SPRYD4: variants seen among roughly 807,000 people sequenced by gnomAD.
The protein encoded by SPRYD4 is SPRY domain-containing protein 4.
Under a neutral mutation model 16.6 loss-of-function variants are expected in SPRYD4, and 12 were observed. That is an observed-to-expected ratio of 0.72 (90% CI 0.46 to 1.17). SPRYD4 has a LOEUF of 1.17. Among genes scored for constraint, SPRYD4 ranks in the 50% most tolerant of loss-of-function variants. The pLI, the probability that SPRYD4 is intolerant of heterozygous loss-of-function variation, is 0.00. For synonymous variants in SPRYD4, 98 were observed against 105.4 expected, an observed-to-expected ratio of 0.93 and a Z score of 0.43; for missense variants, 260 against 260.2, an observed-to-expected ratio of 1.00 and a Z score of 0.00.
chr12:56,469,211 C>G lies in SPRYD4; in HGVS notation c.258C>G (p.Gly86=), dbSNP rs1045583599. 6.2e-7 allele frequency: 1 copy of G among 1,613,996 alleles called. No individual in the cohort carries two copies. The highest frequency in any genetic ancestry group is 1.7e-5 in the Admixed American group (1 of 59,990). Residue 86 remains glycine (G), a synonymous_variant, in exon 2 of 2, where the codon GGC becomes GGG. Transcript: ENST00000338146. The stretch of plus-strand genomic sequence containing the variant: ...TGGCAGACACAGCGGTCACCAGTGG[C>G]AGACACTACTGGGAAGTGACAGTGA... ...VVLADTAVTS[G]RHYWEVTVKR... is the part of the protein sequence containing the mutation.
Position 56,472,929 on chromosome 12 carries a change from T to C in SPRYD4, c.*3352T>C, listed in dbSNP as rs1389455232. ...TTGAGACGGAGTCTCGCTCTGTCGT[T>C]CAGGCTGAAGTGTAGTGGCGCGCGG... is the stretch of plus-strand genomic sequence containing the variant. On this transcript the variant is annotated 3_prime_UTR_variant, in exon 2 of 2. Coordinates refer to ENST00000338146, the MANE Select transcript of SPRYD4 (RefSeq NM_207344.4). 9.7e-6 allele frequency: 6 copies of C among 616,942 alleles called. No homozygotes were observed. Among genetic ancestry groups the C allele is most frequent in the African/African-American group, 5.6e-5 (3 of 53,432 alleles). 38.2% of individuals were successfully genotyped at this position (616,942 alleles called of 1,614,324 possible).
Position 56,475,659 on chromosome 12 carries a change from C to G in SPRYD4, c.*6082C>G. On this transcript the variant is annotated 3_prime_UTR_variant, in exon 2 of 2. Coordinates refer to ENST00000338146, the MANE Select transcript of SPRYD4 (RefSeq NM_207344.4). Reference sequence around the variant, plus strand: ...TGAAACCCATGTATTCATTCCCAGCCATTTTGTTGAGATACTGCAACACCT... The same window carrying G: ...TGAAACCCATGTATTCATTCCCAGCGATTTTGTTGAGATACTGCAACACCT... The G allele has an allele frequency of 6.2e-7, 1 of 1,614,180 alleles. No homozygotes were observed. The highest frequency in any genetic ancestry group is 8.5e-7 in the Non-Finnish European group (1 of 1,180,042).
rs775423724 is a variant in SPRYD4, at chr12:56,473,493, C to G, written c.*3916C>G. 6.2e-7 allele frequency: 1 copy of G among 1,613,832 alleles called. No individual in the cohort carries two copies. Among genetic ancestry groups the G allele is most frequent in the South Asian group, 1.1e-5 (1 of 91,066 alleles). On this transcript the variant is annotated 3_prime_UTR_variant, in exon 2 of 2. Transcript: ENST00000338146. ...AGAAGCTGGTCCCCCTATGGCTGTT[C>G]CCCAGCTTGTCCAATGGGGGTGACA...
rs969359286 is a variant in SPRYD4 at position 56,477,098 on chromosome 12, A to G, written c.*7521A>G. 1 of 152,218 alleles carries G rather than the reference A, an allele frequency of 6.6e-6. No individual in the cohort carries two copies. The highest frequency in any genetic ancestry group is 2.4e-5 in the African/African-American group (1 of 41,394). The allele number at this position is 152,218 out of a possible 1,614,324, so 9.4% of individuals were successfully genotyped here. On this transcript the variant is annotated 3_prime_UTR_variant, in exon 2 of 2. Transcript: ENST00000338146. ...CTGAGTCCCTGAGGGGAGGATTCCT[A>G]ACACCACCTTCCCCAGGAGGGGCTG...
At position 56,472,164 on chromosome 12, in the gene SPRYD4, T is replaced by C; in HGVS notation, c.*2587T>C. 2 of 1,614,206 alleles carry C rather than the reference T, an allele frequency of 1.2e-6. No homozygotes were observed. Among genetic ancestry groups the C allele is most frequent in the South Asian group, 2.2e-5 (2 of 91,088 alleles). ...AGAGCTGTGCGCGAGTCATAGTCTT[T>C]CTGTTCCATATCCATGGCTGACAAG... On this transcript the variant is annotated 3_prime_UTR_variant, in exon 2 of 2. Coordinates refer to ENST00000338146, the MANE Select transcript of SPRYD4 (RefSeq NM_207344.4).
rs1869644115 is a variant in SPRYD4, at chr12:56,474,755, G to A, written c.*5178G>A. ...CAAAGAATAGGTGAAGATGTGACGT[G>A]AACCTGCACATGGGACCCTCGGGTG... On this transcript the variant is annotated 3_prime_UTR_variant, in exon 2 of 2. Coordinates refer to ENST00000338146, the MANE Select transcript of SPRYD4 (RefSeq NM_207344.4). 4 of 1,610,700 alleles carry A rather than the reference G, an allele frequency of 2.5e-6. No individual in the cohort carries two copies. The highest frequency in any genetic ancestry group is 4.5e-5 in the East Asian group (2 of 44,840).
rs79174190 is a variant in SPRYD4 at position 56,476,187 on chromosome 12, TTTGTCACCC to T, written c.*6620_*6628del. 0.94 allele frequency: 472,491 copies of T among 500,112 alleles called. 226,239 individuals carry two copies. Among genetic ancestry groups the T allele is most frequent in the East Asian group, 1 (26,887 of 26,932 alleles). 31.0% of individuals were successfully genotyped at this position (500,112 alleles called of 1,614,324 possible). ...TTTCTTTTTTTTGAGACAGTCTTGC[TTTGTCACCC>T]TTGTCACCCAGGCTGGAGTGCAGTG... On this transcript the variant is annotated 3_prime_UTR_variant, in exon 2 of 2. Coordinates refer to ENST00000338146, the MANE Select transcript of SPRYD4 (RefSeq NM_207344.4).
In SPRYD4 at chr12:56,472,062, T is replaced by C; in HGVS notation, c.*2485T>C. ...GCACATATAATGAAGGTACTTTTGG[T>C]GAAAAAGAAAGGGTCTTATGATTAC... On this transcript the variant is annotated 3_prime_UTR_variant, in exon 2 of 2. Transcript: ENST00000338146. 1 of 1,573,796 alleles carries C rather than the reference T, an allele frequency of 6.4e-7. No individual in the cohort carries two copies. Among genetic ancestry groups the C allele is most frequent in the Admixed American group, 1.7e-5 (1 of 58,232 alleles).
rs1455779162 is a variant in SPRYD4 at position 56,475,178 on chromosome 12, C to T, written c.*5601C>T. ...GGTGTTGGGAGAAGGGGAAAAATTA[C>T]CTTCCCTGGAGAGACAGAACTACAT... On this transcript the variant is annotated 3_prime_UTR_variant, in exon 2 of 2. Coordinates refer to ENST00000338146, the MANE Select transcript of SPRYD4 (RefSeq NM_207344.4). 3 of 1,608,614 alleles carry T rather than the reference C, an allele frequency of 1.9e-6. No homozygotes were observed. The highest frequency in any genetic ancestry group is 1.7e-5 in the Admixed American group (1 of 59,996).
chr12:56,468,929 C>A, intron 1 of SPRYD4, 110 bp from the exon 2 acceptor site: 1 of 1,379,040 alleles, frequency 7.3e-7, no homozygotes, highest in Non-Finnish European at 9.8e-7. Context: ...GGCATTCTGA[C>A]TCTTCCCTAG....
Position 56,473,280 on chromosome 12 carries a change from A to G in SPRYD4, c.*3703A>G, listed in dbSNP as rs775509140. 1.2e-6 allele frequency: 2 copies of G among 1,614,170 alleles called. No individual in the cohort carries two copies. The highest frequency in any genetic ancestry group is 1.7e-6 in the Non-Finnish European group (2 of 1,180,040). On this transcript the variant is annotated 3_prime_UTR_variant, in exon 2 of 2. Transcript: ENST00000338146. ...GTCTAACTTCCGAGCACAGTGCCTC[A>G]GGTTGTCATAGTTGTGGAAATTGAA...
rs1368539295 is a variant in SPRYD4, at chr12:56,474,724, T to C, written c.*5147T>C. On this transcript the variant is annotated 3_prime_UTR_variant, in exon 2 of 2. Coordinates refer to ENST00000338146, the MANE Select transcript of SPRYD4 (RefSeq NM_207344.4). ...AAGTGACCTCCACAGAACACAGCTA[T>C]GAAAACAAAGAATAGGTGAAGATGT... 1 of 1,608,486 alleles carries C rather than the reference T, an allele frequency of 6.2e-7. No homozygotes were observed. Among genetic ancestry groups the C allele is most frequent in the Non-Finnish European group, 8.5e-7 (1 of 1,176,402 alleles).
Position 56,475,777 on chromosome 12 carries a change from C to T in SPRYD4, c.*6200C>T, listed in dbSNP as rs1869752307. ...TAGCCCTTCTGAACTCAGGTCTTGT[C>T]AAGAGGCTTTCCTCTCTGAGGCCAG... On this transcript the variant is annotated 3_prime_UTR_variant, in exon 2 of 2. Transcript: ENST00000338146. The T allele has an allele frequency of 1.4e-6, 2 of 1,442,772 alleles. No individual in the cohort carries two copies. The highest frequency in any genetic ancestry group is 2.3e-5 in the South Asian group (2 of 86,258). The allele number at this position is 1,442,772 out of a possible 1,614,324, so 89.4% of individuals were successfully genotyped here.
Position 56,473,348 on chromosome 12 carries a change from T to C in SPRYD4, c.*3771T>C, listed in dbSNP as rs1039721460. On this transcript the variant is annotated 3_prime_UTR_variant, in exon 2 of 2. Transcript: ENST00000338146. ...AGAATTGTAAGCCAAATATATTGTT[T>C]ATTTACTCCTTACACTTAGTAGGAG... 1 of 1,613,080 alleles carries C rather than the reference T, an allele frequency of 6.2e-7. No homozygotes were observed. The highest frequency in any genetic ancestry group is 1.3e-5 in the African/African-American group (1 of 74,998).
At position 56,471,912 on chromosome 12, in the gene SPRYD4, T is replaced by G; in HGVS notation, c.*2335T>G. ...TGGTGCAGACACTTAGCCACTGAAG[T>G]CTTTACCAAGAGGGGAGGGGAAAAG... On this transcript the variant is annotated 3_prime_UTR_variant, in exon 2 of 2. Coordinates refer to ENST00000338146, the MANE Select transcript of SPRYD4 (RefSeq NM_207344.4). 1 of 1,491,724 alleles carries G rather than the reference T, an allele frequency of 6.7e-7. No homozygotes were observed. Among genetic ancestry groups the G allele is most frequent in the Middle Eastern group, 2.2e-4 (1 of 4,474 alleles). 92.4% of individuals were successfully genotyped at this position (1,491,724 alleles called of 1,614,324 possible). A position where few individuals can be genotyped will look rare whatever the true frequency, so the allele number is the denominator to read the frequency against.
chr12:56,478,824 C>G lies in SPRYD4; in HGVS notation c.*9247C>G. ...CCTGGCCAATATGGCAAAACCCCAT[C>G]TCTACTAAAAATACAAAAATTAGTC... On this transcript the variant is annotated 3_prime_UTR_variant, in exon 2 of 2. Transcript: ENST00000338146. The G allele has an allele frequency of 2.1e-6, 1 of 466,900 alleles. No individual in the cohort carries two copies. The highest frequency in any genetic ancestry group is 2.8e-5 in the South Asian group (1 of 36,188). 28.9% of individuals were successfully genotyped at this position (466,900 alleles called of 1,614,324 possible).
In SPRYD4 at chr12:56,468,620, G is replaced by T. The variant is rs763461563; in HGVS notation, c.29G>T (p.Arg10Leu). 3 of 1,613,950 alleles carry T rather than the reference G, an allele frequency of 1.9e-6. No homozygotes were observed. Among genetic ancestry groups the T allele is most frequent in the Non-Finnish European group, 2.5e-6 (3 of 1,180,004 alleles). The stretch of plus-strand genomic sequence containing the variant: ...GCGCTGCTTTTTGCACGTTCTTTGC[G>T]CTTGTGCCGCTGGGGAGCCAAACGA... MALLFARSL[R>L]LCRWGAKRLG... Residue 10 changes from arginine (R) to leucine (L), a missense_variant, in exon 1 of 2, where the codon CGC becomes CTC. Coordinates refer to ENST00000338146, the MANE Select transcript of SPRYD4 (RefSeq NM_207344.4).
At position 56,476,204 on chromosome 12, in the gene SPRYD4, C is replaced by T; in HGVS notation, c.*6627C>T. 1 of 320,652 alleles carries T rather than the reference C, an allele frequency of 3.1e-6. No individual in the cohort carries two copies. The highest frequency in any genetic ancestry group is 4.6e-5 in the South Asian group (1 of 21,766). The allele number at this position is 320,652 out of a possible 1,614,324, so 19.9% of individuals were successfully genotyped here. On this transcript the variant is annotated 3_prime_UTR_variant, in exon 2 of 2. Transcript: ENST00000338146. The stretch of plus-strand genomic sequence containing the variant: ...AGTCTTGCTTTGTCACCCTTGTCAC[C>T]CAGGCTGGAGTGCAGTGGCACGATC...
Position 56,478,464 on chromosome 12 carries a change from T to C in SPRYD4, c.*8887T>C. 2 of 580,114 alleles carry C rather than the reference T, an allele frequency of 3.4e-6. No individual in the cohort carries two copies. The highest frequency in any genetic ancestry group is 6.1e-6 in the Non-Finnish European group (2 of 325,430). The allele number at this position is 580,114 out of a possible 1,614,324, so 35.9% of individuals were successfully genotyped here. ...ATATCTTTGTGTATCCGCAATCCTG[T>C]AGAGATAGCAGTAAAGCCAATGGAA... On this transcript the variant is annotated 3_prime_UTR_variant, in exon 2 of 2. Transcript: ENST00000338146.
Sources: gnomAD v4.1 joint callset for allele counts on GRCh38, gnomAD v4.1.1 for gene constraint, MANE v1.5 for transcripts, NCBI Gene and HGNC (gene_info 2026-07-23, HGNC 2026-07-21) for gene names.